Variants in PRKX observed in about 807,000 individuals in gnomAD.
PRKX encodes cAMP-dependent protein kinase catalytic subunit PRKX.
A neutral mutation model predicts 22.0 loss-of-function variants in PRKX; 12 were observed. The ratio of observed to expected loss-of-function variants is 0.54; its 90% confidence interval spans 0.35 to 0.88. PRKX has a LOEUF of 0.88. PRKX is among the 40% of genes least tolerant of loss of function. PRKX has a pLI of 0.01. For missense variants in PRKX, 217 were observed against 308.0 expected (o/e 0.70, Z 2.21); for synonymous variants, 134 against 137.7 (o/e 0.97, Z 0.19).
intron 1 of PRKX, among the ~76,000 whole-genome samples, chrX:3,705,863 T>C (rs1359780971): frequency 9.3e-6 from 1 of 107,539 alleles, no homozygotes; most frequent in Non-Finnish European, 1.9e-5. Flanking sequence ...AATTTTTTTT[T>C]GTATTTTTAG....
intron 2 of PRKX, among the ~76,000 whole-genome samples, chrX:3,655,885 T>C (rs371159053): frequency 2.1e-3 from 239 of 111,958 alleles, no homozygotes; most frequent in African/African-American, 7.6e-3. Flanking sequence ...AATATGTAGG[T>C]ATAGAGAGAT....
At chrX:3,691,940 CTGAT>C (rs1414176775) in intron 1 of PRKX, among the ~76,000 whole-genome samples, 1 of 109,503 alleles carries the variant, frequency 9.1e-6, no homozygotes, top group African/African-American at 3.3e-5. Flanking sequence ...AGATGATACA[CTGAT>C]TAATTGATTG....
At chrX:3,695,994 G>A (rs746468423) in intron 1 of PRKX, among the ~76,000 whole-genome samples, 1 of 111,313 alleles carries the variant, frequency 9.0e-6, no homozygotes, top group African/African-American at 3.3e-5. Context: ...AACCCTACTG[G>A]TGAAAGCTTG....
chrX:3,684,186 A>G lies in PRKX; in HGVS notation c.167-9420T>C, dbSNP rs1299026797. On this transcript the variant is annotated intron_variant, in intron 1 of 8. Coordinates refer to ENST00000262848, the MANE Select transcript of PRKX (RefSeq NM_005044.5). ...AGAATCGCTTGAACCCGGGAGGTGG[A>G]GGTTACAGTGAGCCAAGATTGCGCC... is the stretch of plus-strand genomic sequence containing the variant. Among the ~76,000 whole-genome samples the G allele has an allele frequency of 9.9e-5, 11 of 111,532 alleles. 1 individual carries two copies. The Admixed American group carries it at 1.0e-3, about 11-fold the overall frequency.
In PRKX at chrX:3,610,673, G is replaced by C. The variant is rs73178136; in HGVS notation, c.*23+1504C>G. 8.7e-3 allele frequency among the ~76,000 whole-genome samples: 958 copies of C among 110,661 alleles called. 5 individuals carry two copies. The highest frequency in any genetic ancestry group is 0.018 in the Middle Eastern group (4 of 217). ...GGGGCAGCTGGGGACAGGATGTAAT[G>C]AAATTGTTCACTGATTATATGACAA... On this transcript the variant is annotated intron_variant, in intron 8 of 8. Transcript: ENST00000262848.
intron 3 of PRKX, among the ~76,000 whole-genome samples, chrX:3,645,971 T>C (rs924322326): frequency 5.4e-5 from 6 of 110,155 alleles, no homozygotes; most frequent in Non-Finnish European, 9.5e-5. Context: ...GTTACGATGG[T>C]ACATTTTAAG....
intron 1 of PRKX, among the ~76,000 whole-genome samples, chrX:3,682,270 C>G (rs1438700242): frequency 1.8e-5 from 2 of 111,201 alleles, no homozygotes; most frequent in Non-Finnish European, 3.8e-5. Flanking sequence ...CGCCGCACAG[C>G]TAGCTCGGCC....
chrX:3,680,195 G>T (rs1928043401), intron 1 of PRKX, among the ~76,000 whole-genome samples: 1 of 110,502 alleles, frequency 9.0e-6, no homozygotes. Context: ...CCAGGCTGGA[G>T]TGCAATGGCG....
intron 4 of PRKX, among the ~76,000 whole-genome samples, chrX:3,633,240 AG>A (rs1184611158): frequency 1.9e-5 from 2 of 102,755 alleles, no homozygotes; most frequent in East Asian, 6.1e-4. Context: ...ACACAGAACA[AG>A]ACCCTGTCTC....
At chrX:3,629,051 A>G in intron 4 of PRKX, among the ~76,000 whole-genome samples, 1 of 112,001 alleles carries the variant, frequency 8.9e-6, no homozygotes, top group Non-Finnish European at 1.9e-5. Flanking sequence ...AAATGAAATG[A>G]AATATAAAAT....
chrX:3,654,308 T>C (rs2146583197), intron 3 of PRKX, among the ~76,000 whole-genome samples: 1 of 99,507 alleles, frequency 1.0e-5, no homozygotes, highest in East Asian at 3.0e-4. Flanking sequence ...AAATATACTA[T>C]ATGTTATATA....
chrX:3,646,883 C>T (rs1927198951), intron 3 of PRKX, among the ~76,000 whole-genome samples: 1 of 110,581 alleles, frequency 9.0e-6, no homozygotes, highest in African/African-American at 3.3e-5. Context: ...CACTGATCAG[C>T]AGGGAGAAGG....
At chrX:3,682,596 A>G (rs1603474548) in intron 1 of PRKX, among the ~76,000 whole-genome samples, 1 of 111,681 alleles carries the variant, frequency 9.0e-6, no homozygotes, top group South Asian at 3.8e-4. Context: ...GTGGTGCAAT[A>G]TGAGTGGTGA....
chrX:3,661,825 A>G (rs1927601555), intron 2 of PRKX, among the ~76,000 whole-genome samples: 2 of 111,822 alleles, frequency 1.8e-5, no homozygotes, highest in Admixed American at 9.6e-5. Flanking sequence ...CAGTTCAATG[A>G]TTCCAGTTAC....
chrX:3,621,875 C>A lies in PRKX; in HGVS notation c.816-559G>T, dbSNP rs150469348. Reference sequence around the variant, plus strand: ...TGGGGAGGTTGGGCATACTGGCTCACACCAGTAATCCCAGCACTGTGGGGA... The same window carrying A: ...TGGGGAGGTTGGGCATACTGGCTCAAACCAGTAATCCCAGCACTGTGGGGA... On this transcript the variant is annotated intron_variant, in intron 5 of 8. Coordinates refer to ENST00000262848, the MANE Select transcript of PRKX (RefSeq NM_005044.5). Among the ~76,000 whole-genome samples the A allele has an allele frequency of 3.3e-4, 37 of 111,394 alleles. No homozygotes were observed. The East Asian group carries it at 6.5e-3, about 20-fold the overall frequency.
intron 1 of PRKX, among the ~76,000 whole-genome samples, chrX:3,695,144 G>A (rs755942516): frequency 9.0e-6 from 1 of 111,143 alleles, no homozygotes; most frequent in South Asian, 3.9e-4. Context: ...GTCTAAACTA[G>A]ATGTGTGCTT....
intron 4 of PRKX, among the ~76,000 whole-genome samples, chrX:3,630,147 A>AT (rs1234998154): frequency 9.8e-5 from 11 of 112,518 alleles, no homozygotes; most frequent in African/African-American, 3.2e-4. Flanking sequence ...AAACTAAAAA[A>AT]ATATATATAC....
intron 1 of PRKX, among the ~76,000 whole-genome samples, chrX:3,685,075 T>C (rs78475492): frequency 0.16 from 17,305 of 110,804 alleles, 1,094 homozygotes; most frequent in East Asian, 0.38. Context: ...CCTCAGCCTC[T>C]CAAAGTGCTG....
chrX:3,649,834 A>AGGG, intron 3 of PRKX, among the ~76,000 whole-genome samples: 1 of 84,983 alleles, frequency 1.2e-5, no homozygotes, highest in African/African-American at 4.4e-5. Flanking sequence ...GGGAGGGAGG[A>AGGG]AGGAAGGAAG....
Sources: allele counts gnomAD v4.1 joint callset (sites outside exome capture counted in the v4.1 genomes callset), GRCh38; gene constraint gnomAD v4.1.1; transcripts MANE v1.5; gene names NCBI Gene and HGNC (gene_info 2026-07-23, HGNC 2026-07-21).